Variants in CENPP observed in about 807,000 individuals in gnomAD.
CENPP encodes centromere protein P.
CENPP carries 24 observed loss-of-function variants against 35.6 expected under a neutral mutation model. That is an observed-to-expected ratio of 0.67 (90% CI 0.49 to 0.95). The LOEUF is 0.95. Among genes scored for constraint, CENPP ranks in the 40% least tolerant of loss-of-function variants. The probability of loss-of-function intolerance (pLI) is 0.00; values close to 1 mark genes in which losing one functional copy is unlikely to be tolerated. For missense variants in CENPP, 332 were observed against 345.3 expected, an observed-to-expected ratio of 0.96 and a Z score of 0.31; for synonymous variants, 120 against 125.5, an observed-to-expected ratio of 0.96 and a Z score of 0.29.
At chr9:92,421,120 C>T (rs1843778846) in intron 5 of CENPP, among the ~76,000 whole-genome samples, 1 of 152,138 alleles carries the variant, frequency 6.6e-6, no homozygotes, top group Non-Finnish European at 1.5e-5. Context: ...TCTTGGCTCA[C>T]CCTCCATCTC....
intron 3 of CENPP, among the ~76,000 whole-genome samples, chr9:92,338,536 T>C (rs1046125077): frequency 6.6e-6 from 1 of 152,212 alleles, no homozygotes; most frequent in Non-Finnish European, 1.5e-5. Flanking sequence ...GTTACTATAG[T>C]ATATTGTTTA....
At chr9:92,435,937 G>C (rs532119891) in intron 5 of CENPP, among the ~76,000 whole-genome samples, 1 of 152,288 alleles carries the variant, frequency 6.6e-6, no homozygotes, top group East Asian at 1.9e-4. Flanking sequence ...GAGTATAATT[G>C]CTGGGTCGTA....
At chr9:92,457,332 C>G in intron 5 of CENPP, 1 of 1,613,998 alleles carries the variant, frequency 6.2e-7, no homozygotes, top group African/African-American at 1.3e-5. Flanking sequence ...CTGCTCAAAA[C>G]ACAACGAAAT....
chr9:92,441,205 A>G (rs1844378356), intron 5 of CENPP, among the ~76,000 whole-genome samples: 1 of 152,238 alleles, frequency 6.6e-6, no homozygotes, highest in Non-Finnish European at 1.5e-5. Flanking sequence ...ATCAAGCTAC[A>G]TATTTATCAT....
In CENPP at chr9:92,619,535, T is replaced by C. The variant is rs1200923149; in HGVS notation, c.*6386T>C. ...AGTGCAATCATGATGGAGCAGTCCTTGGCAGTCATGGCGACGCGGTACTGC... is the reference window on the plus strand; with the variant it reads ...AGTGCAATCATGATGGAGCAGTCCTCGGCAGTCATGGCGACGCGGTACTGC... On this transcript the variant is annotated 3_prime_UTR_variant, in exon 8 of 8. Transcript: ENST00000375587. 2 of 1,590,972 alleles carry C rather than the reference T, an allele frequency of 1.3e-6. No individual in the cohort carries two copies. The highest frequency in any genetic ancestry group is 2.3e-5 in the East Asian group (1 of 44,236).
chr9:92,590,539 C>G (rs2131375262), intron 5 of CENPP, among the ~76,000 whole-genome samples: 1 of 152,318 alleles, frequency 6.6e-6, no homozygotes, highest in African/African-American at 2.4e-5. Flanking sequence ...CTCCCTGTTT[C>G]CATTTCCTCC....
At chr9:92,435,948 TG>T (rs1297688702) in intron 5 of CENPP, among the ~76,000 whole-genome samples, 1 of 152,238 alleles carries the variant, frequency 6.6e-6, no homozygotes, top group Non-Finnish European at 1.5e-5. Context: ...CTGGGTCGTA[TG>T]GTAAGTGCAT....
intron 5 of CENPP, among the ~76,000 whole-genome samples, chr9:92,516,353 G>A (rs114951144): frequency 0.11 from 16,717 of 152,116 alleles, 999 homozygotes; most frequent in Middle Eastern, 0.15. Flanking sequence ...GTGAGCTACC[G>A]TGCCCAGCCA....
At chr9:92,505,823 C>T in intron 5 of CENPP, 1 of 690,518 alleles carries the variant, frequency 1.4e-6, no homozygotes, top group Non-Finnish European at 2.4e-6. Context: ...ACCTTTGTAT[C>T]CTCCTATAAA....
intron 5 of CENPP, among the ~76,000 whole-genome samples, chr9:92,448,545 A>G (rs1477045521): frequency 6.6e-6 from 1 of 151,822 alleles, no homozygotes; most frequent in Non-Finnish European, 1.5e-5. Flanking sequence ...GTGGTCAGGG[A>G]GGCAAGGCTT....
At chr9:92,345,911 G>A (rs1196197286) in intron 4 of CENPP, 124 bp downstream of exon 4, 3 of 594,472 alleles carry the variant, frequency 5.0e-6, no homozygotes, top group Non-Finnish European at 5.9e-6. Flanking sequence ...TAACACCACT[G>A]TTGTGCTTAT....
intron 5 of CENPP, chr9:92,389,972 T>A: frequency 1.9e-6 from 3 of 1,610,830 alleles, no homozygotes; most frequent in Non-Finnish European, 2.5e-6. Context: ...AAGTGAAAGT[T>A]CTTCTAACAG....
At chr9:92,390,062 G>A in intron 5 of CENPP, 1 of 1,520,074 alleles carries the variant, frequency 6.6e-7, no homozygotes, top group Non-Finnish European at 9.0e-7. Flanking sequence ...GTTAGCTAGA[G>A]GGAAAAAAAT....
At chr9:92,385,870 A>G (rs1461287416) in intron 5 of CENPP, 4 of 1,373,834 alleles carry the variant, frequency 2.9e-6, no homozygotes, top group Admixed American at 3.7e-5. Flanking sequence ...AAGGAAACCT[A>G]AGTCAGAGGT....
intron 5 of CENPP, among the ~76,000 whole-genome samples, chr9:92,387,323 C>G (rs541327968): frequency 1.1e-4 from 17 of 151,758 alleles, no homozygotes; most frequent in African/African-American, 4.1e-4. Context: ...TTGCAGTGAG[C>G]CGAGATTGTG....
chr9:92,437,859 A>AAGTGATCCTCCCACCTCAGCCTCC (rs915745883), intron 5 of CENPP, among the ~76,000 whole-genome samples: 2 of 151,824 alleles, frequency 1.3e-5, no homozygotes, highest in East Asian at 1.9e-4. Context: ...TTCCAGGCTC[A>AAGTGATCCTCCCACCTCAGCCTCC]AGTGATCCTC....
intron 5 of CENPP, among the ~76,000 whole-genome samples, chr9:92,575,996 C>T (rs1434130313): frequency 6.6e-6 from 1 of 152,162 alleles, no homozygotes; most frequent in African/African-American, 2.4e-5. Context: ...CCACTGATTT[C>T]ACCTGAGGTA....
rs139196326 is a variant in CENPP at position 92,375,990 on chromosome 9, T to C, written c.468-3773T>C. ...AGGAAAAAAATAAGAAAAAAAGATA[T>C]CTTCTCCAGGTCTGTGCATTTTGGT... On this transcript the variant is annotated intron_variant, in intron 4 of 7. Transcript: ENST00000375587. Among the ~76,000 whole-genome samples, 5 of 152,260 alleles carry C rather than the reference T, an allele frequency of 3.3e-5. No individual in the cohort carries two copies. The East Asian group carries it at 9.6e-4, about 29-fold the overall frequency.
At chr9:92,489,234 A>G (rs923633483) in intron 5 of CENPP, among the ~76,000 whole-genome samples, 1 of 152,362 alleles carries the variant, frequency 6.6e-6, no homozygotes, top group South Asian at 2.1e-4. Context: ...CACAGTTTAC[A>G]GTAGATTTTC....
Sources: allele counts gnomAD v4.1 joint callset (sites outside exome capture counted in the v4.1 genomes callset), GRCh38; gene constraint gnomAD v4.1.1; transcripts MANE v1.5; gene names NCBI Gene and HGNC (gene_info 2026-07-23, HGNC 2026-07-21).